Variants in MAGT1 observed in about 807,000 individuals in gnomAD.
MAGT1 encodes magnesium transporter 1.
In MAGT1, 4 loss-of-function variants were observed where a neutral mutation model predicts 28.4. The observed-to-expected ratio is 0.14, with a 90% CI of 0.07 to 0.32. The LOEUF (loss-of-function observed/expected upper bound fraction) is 0.32, where lower values mean the gene tolerates loss of function less well. Among genes scored for constraint, MAGT1 ranks in the 10% least tolerant of loss-of-function variants. The pLI, the probability that MAGT1 is intolerant of heterozygous loss-of-function variation, is 1.00. For synonymous variants in MAGT1, 89 were observed against 89.7 expected, an observed-to-expected ratio of 0.99 and a Z score of 0.04; for missense variants, 193 against 264.5, an observed-to-expected ratio of 0.73 and a Z score of 1.88.
chrX:77,895,488 G>C, upstream of MAGT1: 1 of 1,175,560 alleles, frequency 8.5e-7, no homozygotes, highest in South Asian at 1.9e-5. Flanking sequence ...AGGCAAATCG[G>C]CCCCTTGCCT....
intron 1 of MAGT1, among the ~76,000 whole-genome samples, chrX:77,892,943 T>G (rs1445447443): frequency 8.9e-6 from 1 of 111,770 alleles, no homozygotes; most frequent in African/African-American, 3.3e-5. Context: ...ATTAAGAAGT[T>G]TTTGCATTCA....
chrX:77,832,578 C>T lies in MAGT1; in HGVS notation c.902-1683G>A, dbSNP rs376573809. Among the ~76,000 whole-genome samples, 23 of 110,460 alleles carry T rather than the reference C, an allele frequency of 2.1e-4. No homozygotes were observed. The South Asian group carries it at 8.7e-3, about 42-fold the overall frequency. Reference sequence around the variant, plus strand: ...GGGCGCTGTGGCTCATGCCTGTAACCCCAGCACTCTGGGAGGCCAAGGCGG... The same window carrying T: ...GGGCGCTGTGGCTCATGCCTGTAACTCCAGCACTCTGGGAGGCCAAGGCGG... On this transcript the variant is annotated intron_variant, in intron 8 of 9. Transcript: ENST00000618282.
intron 8 of MAGT1, among the ~76,000 whole-genome samples, chrX:77,834,669 G>T (rs1328050395): frequency 1.8e-5 from 2 of 110,334 alleles, no homozygotes; most frequent in East Asian, 2.8e-4. Context: ...ACAACTATAA[G>T]AAAACAATGG....
intron 8 of MAGT1, among the ~76,000 whole-genome samples, chrX:77,839,221 G>A (rs797038271): frequency 2.8e-5 from 3 of 106,473 alleles, no homozygotes; most frequent in African/African-American, 1.0e-4. Flanking sequence ...GGAGAATGGG[G>A]TGAACCTGGG....
intron 8 of MAGT1, among the ~76,000 whole-genome samples, chrX:77,834,212 G>A (rs782190839): frequency 4.2e-5 from 4 of 95,766 alleles, no homozygotes; most frequent in Admixed American, 1.2e-4. Context: ...ATATATACAT[G>A]TGTGTATATA....
chrX:77,873,904 C>G (rs2077026407), intron 2 of MAGT1, among the ~76,000 whole-genome samples: 1 of 111,143 alleles, frequency 9.0e-6, no homozygotes, highest in East Asian at 2.8e-4. Flanking sequence ...ACATCCTCTC[C>G]TAAGACTCTG....
chrX:77,872,405 C>G (rs1421090200), intron 2 of MAGT1, among the ~76,000 whole-genome samples: 1 of 112,009 alleles, frequency 8.9e-6, no homozygotes, highest in African/African-American at 3.2e-5. Flanking sequence ...TCCTGAAACA[C>G]TTCTCAGAAA....
intron 3 of MAGT1, among the ~76,000 whole-genome samples, chrX:77,861,207 C>CAA (rs1411289264): frequency 9.2e-6 from 1 of 108,265 alleles, no homozygotes; most frequent in African/African-American, 3.3e-5. Flanking sequence ...CACACACACA[C>CAA]AATGGGCAAA....
In MAGT1 at chrX:77,886,362, C is replaced by A. The variant is rs143110395; in HGVS notation, c.102+8947G>T. Among the ~76,000 whole-genome samples, 46 of 110,272 alleles carry A rather than the reference C, an allele frequency of 4.2e-4. 2 individuals are homozygous for A. The East Asian group carries it at 0.013, about 30-fold the overall frequency. On this transcript the variant is annotated intron_variant, in intron 1 of 9. Transcript: ENST00000618282. ...GCTTGTTAAAAATGCAGACTTTGGCCGGGCACAGTGGCTCATGCCTGTAAC... is the reference window on the plus strand; with the variant it reads ...GCTTGTTAAAAATGCAGACTTTGGCAGGGCACAGTGGCTCATGCCTGTAAC...
intron 3 of MAGT1, among the ~76,000 whole-genome samples, chrX:77,859,224 A>T (rs1394576325): frequency 8.9e-6 from 1 of 111,756 alleles, no homozygotes; most frequent in Non-Finnish European, 1.9e-5. Flanking sequence ...AATAAATAAA[A>T]AATAAAAAAT....
chrX:77,859,633 G>T (rs781873496), intron 3 of MAGT1, among the ~76,000 whole-genome samples: 1 of 112,013 alleles, frequency 8.9e-6, no homozygotes, highest in East Asian at 2.8e-4. Context: ...TTGGAAAGCC[G>T]AGGCAGGTGG....
chrX:77,842,695 C>G (rs964563880), intron 7 of MAGT1, among the ~76,000 whole-genome samples: 15 of 110,284 alleles, frequency 1.4e-4, no homozygotes, highest in Non-Finnish European at 5.7e-5. Context: ...GGCGTGGTGG[C>G]AGGCGCCTGT....
intron 1 of MAGT1, among the ~76,000 whole-genome samples, chrX:77,893,433 A>G (rs1169809044): frequency 1.8e-5 from 2 of 111,844 alleles, no homozygotes; most frequent in Non-Finnish European, 3.8e-5. Flanking sequence ...AAAATTCACC[A>G]TATTGACCAT....
intron 1 of MAGT1, among the ~76,000 whole-genome samples, chrX:77,877,013 C>CAAAAAA (rs782800456): frequency 1.4e-3 from 15 of 10,573 alleles, no homozygotes; most frequent in Admixed American, 3.5e-3. Context: ...AACTCCATCT[C>CAAAAAA]AAAAAAAAAA....
intron 8 of MAGT1, among the ~76,000 whole-genome samples, chrX:77,835,093 C>A (rs1354375811): frequency 9.2e-6 from 1 of 108,296 alleles, no homozygotes; most frequent in Admixed American, 1.0e-4. Flanking sequence ...GTAGCTGGGA[C>A]TACAGGTGCC....
chrX:77,847,917 T>C (rs1429613182), intron 7 of MAGT1, among the ~76,000 whole-genome samples: 2 of 111,420 alleles, frequency 1.8e-5, no homozygotes, highest in South Asian at 7.5e-4. Context: ...CGGCCAAAGA[T>C]TGATCATTTC....
chrX:77,893,358 G>GTCA (rs1557219640), intron 1 of MAGT1, among the ~76,000 whole-genome samples: 1 of 111,493 alleles, frequency 9.0e-6, no homozygotes, highest in Non-Finnish European at 1.9e-5. Context: ...GCATGAAAAG[G>GTCA]GTGAATGTAC....
At chrX:77,829,369 A>G (rs1404270917) in intron 9 of MAGT1, 134 bp from the exon 10 acceptor site, 2 of 474,659 alleles carry the variant, frequency 4.2e-6, no homozygotes, top group Non-Finnish European at 7.1e-6. Context: ...TTGGGTATCA[A>G]TAACAAAAAG....
intron 7 of MAGT1, among the ~76,000 whole-genome samples, chrX:77,847,226 C>T (rs185497376): frequency 1.8e-5 from 2 of 112,695 alleles, no homozygotes; most frequent in East Asian, 5.6e-4. Flanking sequence ...GTAGGACCCT[C>T]CAAGCCAGGT....
Sources: allele counts gnomAD v4.1 joint callset (sites outside exome capture counted in the v4.1 genomes callset), GRCh38; gene constraint gnomAD v4.1.1; transcripts MANE v1.5; gene names NCBI Gene and HGNC (gene_info 2026-07-23, HGNC 2026-07-21).